VAV3: variants seen among roughly 807,000 people sequenced by gnomAD.
VAV3 encodes the protein guanine nucleotide exchange factor VAV3.
Under a neutral mutation model 131.2 loss-of-function variants are expected in VAV3, and 94 were observed. The ratio of observed to expected loss-of-function variants is 0.72; its 90% CI spans 0.61 to 0.85. VAV3 has a LOEUF of 0.85. VAV3 is among the 40% of genes least tolerant of loss of function. VAV3 has a pLI of 0.00. For missense variants in VAV3, 939 were observed against 1,002.7 expected, an observed-to-expected ratio of 0.94 and a Z score of 0.86; for synonymous variants, 349 against 342.0, an observed-to-expected ratio of 1.02 and a Z score of -0.22.
At chr1:107,870,978 A>G (rs1670225176) in intron 2 of VAV3, among the ~76,000 whole-genome samples, 1 of 152,162 alleles carries the variant, frequency 6.6e-6, no homozygotes, top group Non-Finnish European at 1.5e-5. Context: ...CTCATTAAAG[A>G]AAAAATCCCA....
At chr1:107,705,732 T>C (rs1019909935) in intron 15 of VAV3, among the ~76,000 whole-genome samples, 9 of 152,208 alleles carry the variant, frequency 5.9e-5, no homozygotes, top group Non-Finnish European at 7.4e-5. Flanking sequence ...GACAACCATA[T>C]GACATTCATT....
chr1:107,878,613 AC>A (rs1670619136), intron 1 of VAV3, among the ~76,000 whole-genome samples: 1 of 152,178 alleles, frequency 6.6e-6, no homozygotes, highest in Admixed American at 6.5e-5. Flanking sequence ...TTCAAATTAA[AC>A]AGTTCTGATA....
At chr1:107,938,686 G>A (rs1230910801) in intron 1 of VAV3, among the ~76,000 whole-genome samples, 2 of 152,176 alleles carry the variant, frequency 1.3e-5, no homozygotes, top group Admixed American at 1.3e-4. Flanking sequence ...AACCCATGAA[G>A]TACTCAAATA....
chr1:107,707,980 T>C (rs6701083), intron 15 of VAV3, among the ~76,000 whole-genome samples: 21,343 of 152,238 alleles, frequency 0.14, 1,654 homozygotes, highest in South Asian at 0.26. Context: ...CATATACTTT[T>C]TCACATTTAC....
At chr1:107,711,743 G>A (rs933660645) in intron 15 of VAV3, among the ~76,000 whole-genome samples, 41 of 151,984 alleles carry the variant, frequency 2.7e-4, no homozygotes, top group South Asian at 8.3e-4. Flanking sequence ...TTGCTCTGTC[G>A]CCCAGGCTGG....
rs553574052 is a variant in VAV3 at position 107,862,183 on chromosome 1, T to C, written c.321+12718A>G. On this transcript the variant is annotated intron_variant, in intron 2 of 26. Coordinates refer to ENST00000370056, the MANE Select transcript of VAV3 (RefSeq NM_006113.5). ...AAAACAAGTGACTCAGAAACTAAACTCTATCCAGAGGAAGCCTGCGCAGCC... is the reference window on the plus strand; with the variant it reads ...AAAACAAGTGACTCAGAAACTAAACCCTATCCAGAGGAAGCCTGCGCAGCC... 4.4e-4 allele frequency among the ~76,000 whole-genome samples: 66 copies of C among 151,600 alleles called. 1 individual carries two copies. The highest frequency in any genetic ancestry group is 1.6e-3 in the African/African-American group (66 of 41,510).
chr1:107,758,121 T>C (rs982190842), intron 10 of VAV3, among the ~76,000 whole-genome samples: 2 of 152,298 alleles, frequency 1.3e-5, no homozygotes, highest in African/African-American at 2.4e-5. Context: ...GGCACTTCCA[T>C]CAGTGTCATC....
chr1:107,768,270 G>GT (rs367896157), intron 7 of VAV3, among the ~76,000 whole-genome samples, 171 bp downstream of exon 7: 3 of 152,068 alleles, frequency 2.0e-5, no homozygotes, highest in Non-Finnish European at 2.9e-5. Context: ...TGATACATCA[G>GT]TTATTTCAAG....
At chr1:107,601,690 C>T (rs1651874968) in intron 24 of VAV3, among the ~76,000 whole-genome samples, 1 of 152,124 alleles carries the variant, frequency 6.6e-6, no homozygotes, top group African/African-American at 2.4e-5. Flanking sequence ...TTACTGTTAG[C>T]AACGCATACA....
Position 107,792,224 on chromosome 1 carries a change from A to G in VAV3, c.322-12732T>C, listed in dbSNP as rs143072546. 4.5e-3 allele frequency among the ~76,000 whole-genome samples: 683 copies of G among 152,194 alleles called. 5 individuals carry two copies. The highest frequency in any genetic ancestry group is 0.016 in the African/African-American group (654 of 41,530). ...CACACTGCTAAAGCAAGTGTTGAGT[A>G]TTTTTTTTCTTACATTTTGCCAAAA... On this transcript the variant is annotated intron_variant, in intron 2 of 26. Coordinates refer to ENST00000370056, the MANE Select transcript of VAV3 (RefSeq NM_006113.5).
intron 17 of VAV3, among the ~76,000 whole-genome samples, chr1:107,701,725 G>T (rs1035932855): frequency 6.6e-5 from 10 of 152,046 alleles, no homozygotes; most frequent in Non-Finnish European, 1.5e-4. Flanking sequence ...CAAGTTCAAA[G>T]TTCCACAGAT....
At chr1:107,669,373 C>T in intron 19 of VAV3, 2 of 1,289,772 alleles carry the variant, frequency 1.6e-6, no homozygotes, top group Non-Finnish European at 2.0e-6. Context: ...GCTGCATTTT[C>T]ACCCATGTCC....
chr1:107,591,251 C>T (rs1306731773), intron 25 of VAV3, among the ~76,000 whole-genome samples: 2 of 152,098 alleles, frequency 1.3e-5, no homozygotes, highest in African/African-American at 4.8e-5. Flanking sequence ...TGCACTTATG[C>T]TTCAGCTTCA....
intron 4 of VAV3, among the ~76,000 whole-genome samples, chr1:107,773,700 G>A (rs1000588845): frequency 6.6e-6 from 1 of 152,130 alleles, no homozygotes; most frequent in African/African-American, 2.4e-5. Flanking sequence ...GATCCATATT[G>A]GCAGTAACAT....
intron 1 of VAV3, among the ~76,000 whole-genome samples, chr1:107,962,198 C>T (rs998003123): frequency 4.6e-5 from 7 of 152,180 alleles, no homozygotes; most frequent in South Asian, 2.1e-4. Flanking sequence ...CATACCAAAA[C>T]GCCACAAGTA....
chr1:107,743,168 C>T (rs1663124849), intron 15 of VAV3, among the ~76,000 whole-genome samples: 1 of 152,088 alleles, frequency 6.6e-6, no homozygotes, highest in African/African-American at 2.4e-5. Flanking sequence ...TCCATCCTAG[C>T]GAAAACTCTG....
At position 107,704,725 on chromosome 1, in the gene VAV3, G is replaced by A; in HGVS notation, c.1605-75C>T. The A allele has an allele frequency of 1.9e-5, 24 of 1,263,220 alleles. No individual in the cohort carries two copies. In the Admixed American group the frequency reaches 2.4e-4, roughly 13 times the overall value. 78.3% of individuals were successfully genotyped at this position (1,263,220 alleles called of 1,614,324 possible). ...CCATATGAAATTACTGCAAGAAGAA[G>A]AAAAAAAGTATCAACAGTGCTCTTC... is the stretch of plus-strand genomic sequence containing the variant. On this transcript the variant is annotated intron_variant, in intron 16 of 26. Coordinates refer to ENST00000370056, the MANE Select transcript of VAV3 (RefSeq NM_006113.5).
intron 1 of VAV3, among the ~76,000 whole-genome samples, chr1:107,909,209 T>C (rs1557917106): frequency 1.3e-5 from 2 of 152,208 alleles, no homozygotes; most frequent in East Asian, 3.8e-4. Flanking sequence ...TCTAAGACTC[T>C]TAGCAAAAAG....
chr1:107,692,625 C>G (rs889923362), intron 17 of VAV3, among the ~76,000 whole-genome samples: 5 of 152,058 alleles, frequency 3.3e-5, no homozygotes, highest in Admixed American at 2.6e-4. Context: ...TATAAAGGAG[C>G]CCGGTTCAGA....
Sources: gnomAD v4.1 joint callset for allele counts (sites outside exome capture counted in the v4.1 genomes callset) on GRCh38, gnomAD v4.1.1 for gene constraint, MANE v1.5 for transcripts, NCBI Gene and HGNC (gene_info 2026-07-23, HGNC 2026-07-21) for gene names.